Variants in GRID2 observed in about 807,000 individuals in gnomAD.
GRID2 encodes the protein glutamate receptor ionotropic, delta-2.
A neutral mutation model predicts 114.8 loss-of-function variants in GRID2; 33 were observed. The ratio of observed to expected loss-of-function variants is 0.29; its 90% CI spans 0.22 to 0.38. The LOEUF is 0.38. Ranked by LOEUF, GRID2 falls within the 10% of genes least tolerant of loss-of-function variation. The probability of loss-of-function intolerance (pLI) is 1.00; values close to 1 mark genes in which losing one functional copy is unlikely to be tolerated. For synonymous variants in GRID2, 505 were observed against 449.9 expected, an observed-to-expected ratio of 1.12 and a Z score of -1.55; for missense variants, 1,184 against 1,257.7, an observed-to-expected ratio of 0.94 and a Z score of 0.89.
At chr4:93,595,256 T>C (rs998216676) in intron 13 of GRID2, among the ~76,000 whole-genome samples, 1 of 152,238 alleles carries the variant, frequency 6.6e-6, no homozygotes, top group Non-Finnish European at 1.5e-5. Flanking sequence ...TGGCCTCTCT[T>C]ATGACACCTT....
At chr4:92,526,331 A>T (rs1725040541) in intron 1 of GRID2, among the ~76,000 whole-genome samples, 1 of 152,038 alleles carries the variant, frequency 6.6e-6, no homozygotes, top group African/African-American at 2.4e-5. Context: ...AAAAATTTTG[A>T]TAGTTGCATT....
chr4:93,783,092 G>A (rs1207591629), intron 1 of GRID2, among the ~76,000 whole-genome samples: 2 of 152,172 alleles, frequency 1.3e-5, no homozygotes, highest in African/African-American at 2.4e-5. Context: ...TTCATATGCA[G>A]GGAAGTTTAA....
At chr4:93,662,574 T>C (rs1376995330) in intron 14 of GRID2, among the ~76,000 whole-genome samples, 1 of 152,094 alleles carries the variant, frequency 6.6e-6, no homozygotes, top group Non-Finnish European at 1.5e-5. Flanking sequence ...CTCAAAACTC[T>C]TGATCAGACT....
chr4:93,682,110 A>G (rs973609219), intron 14 of GRID2, among the ~76,000 whole-genome samples: 7 of 151,812 alleles, frequency 4.6e-5, no homozygotes, highest in South Asian at 2.1e-4. Context: ...CCCATCAACA[A>G]GTGGGCAAAG....
chr4:92,553,178 T>G (rs574662226), intron 1 of GRID2, among the ~76,000 whole-genome samples: 4 of 152,218 alleles, frequency 2.6e-5, no homozygotes, highest in African/African-American at 9.6e-5. Context: ...CAATTATAGC[T>G]TAATATCTAA....
intron 14 of GRID2, among the ~76,000 whole-genome samples, chr4:93,741,436 A>G (rs1731410445): frequency 6.6e-6 from 1 of 152,028 alleles, no homozygotes; most frequent in Non-Finnish European, 1.5e-5. Context: ...AAATATGTTT[A>G]TCATAGCTTT....
intron 8 of GRID2, among the ~76,000 whole-genome samples, chr4:93,365,958 C>A (rs1343888889): frequency 6.6e-6 from 1 of 152,298 alleles, no homozygotes; most frequent in South Asian, 2.1e-4. Flanking sequence ...ACACTAACCA[C>A]TTCCCCAATC....
chr4:92,386,297 T>TTA (rs1729957764), intron 1 of GRID2, among the ~76,000 whole-genome samples: 2 of 151,924 alleles, frequency 1.3e-5, no homozygotes, highest in South Asian at 4.1e-4. Flanking sequence ...AGTTTATTCA[T>TTA]GCTGAGGGCA....
At chr4:92,833,629 A>G (rs1742265349) in intron 2 of GRID2, 1 of 152,222 alleles carries the variant, frequency 6.6e-6, no homozygotes, top group African/African-American at 2.4e-5. Flanking sequence ...AGGATAACCA[A>G]TTCTAAAGGA....
chr4:93,399,532 A>G (rs1459531256), intron 9 of GRID2, among the ~76,000 whole-genome samples: 1 of 152,128 alleles, frequency 6.6e-6, no homozygotes, highest in African/African-American at 2.4e-5. Context: ...GGAATCAACA[A>G]GGAGTGTTGA....
At chr4:92,913,388 GT>G (rs1050426722) in intron 2 of GRID2, among the ~76,000 whole-genome samples, 5 of 151,820 alleles carry the variant, frequency 3.3e-5, no homozygotes, top group African/African-American at 1.2e-4. Context: ...TTATTGTTAC[GT>G]TTTTGTCTGA....
chr4:93,476,113 G>A (rs1172942724), intron 11 of GRID2, among the ~76,000 whole-genome samples: 2 of 152,208 alleles, frequency 1.3e-5, no homozygotes, highest in Non-Finnish European at 1.5e-5. Context: ...TATATGTAAA[G>A]AATCATACTA....
chr4:92,441,440 A>G (rs915309462), intron 1 of GRID2, among the ~76,000 whole-genome samples: 3 of 152,134 alleles, frequency 2.0e-5, no homozygotes, highest in Non-Finnish European at 4.4e-5. Flanking sequence ...TAGTAAAGAA[A>G]GCATGTTTGA....
At chr4:93,385,508 A>G (rs912612546) in intron 8 of GRID2, among the ~76,000 whole-genome samples, 18 of 152,136 alleles carry the variant, frequency 1.2e-4, no homozygotes, top group Admixed American at 1.0e-3. Flanking sequence ...ATAAATTTTC[A>G]TTGTGTGTGA....
chr4:93,383,445 C>T (rs1318474531), intron 8 of GRID2, among the ~76,000 whole-genome samples: 1 of 152,132 alleles, frequency 6.6e-6, no homozygotes, highest in African/African-American at 2.4e-5. Flanking sequence ...TCAAAAGTAA[C>T]CATAATTTTC....
chr4:93,455,573 A>ATT, intron 10 of GRID2, 89 bp from the exon 11 acceptor site: 1 of 761,492 alleles, frequency 1.3e-6, no homozygotes, highest in Non-Finnish European at 2.2e-6. Context: ...TGAGGCATCT[A>ATT]TTTTTTTTTC....
chr4:92,961,397 T>C (rs926953728), intron 2 of GRID2, among the ~76,000 whole-genome samples: 28 of 150,844 alleles, frequency 1.9e-4, no homozygotes, highest in Non-Finnish European at 3.0e-4. Context: ...TTTTTTTTGG[T>C]CTAAGAAAAT....
intron 2 of GRID2, among the ~76,000 whole-genome samples, chr4:92,923,696 A>G (rs1025821548): frequency 2.0e-5 from 3 of 152,228 alleles, no homozygotes; most frequent in Non-Finnish European, 4.4e-5. Flanking sequence ...AAAGGAGGAA[A>G]TAATCTGTTA....
intron 7 of GRID2, among the ~76,000 whole-genome samples, chr4:93,225,655 G>A (rs2149493437): frequency 1.3e-5 from 2 of 152,080 alleles, no homozygotes; most frequent in East Asian, 3.9e-4. Context: ...AAAAGTCAGA[G>A]TAAAATATAA....
Sources: gnomAD v4.1 joint callset for allele counts (sites outside exome capture counted in the v4.1 genomes callset) on GRCh38, gnomAD v4.1.1 for gene constraint, MANE v1.5 for transcripts, NCBI Gene and HGNC (gene_info 2026-07-23, HGNC 2026-07-21) for gene names.